The following AATK variants were observed in gnomAD, a reference collection of about 807,000 sequenced individuals.
The protein encoded by AATK is lemur tail kinase 1.
In AATK, 91 loss-of-function variants were observed where a neutral mutation model predicts 114.3. The ratio of observed to expected loss-of-function variants is 0.80; its 90% CI spans 0.67 to 0.95. The LOEUF is 0.95. AATK is among the 40% of genes least tolerant of loss of function. AATK has a pLI of 0.00. For missense variants in AATK, 2,176 were observed against 1,965.2 expected (o/e 1.11, Z -2.03); for synonymous variants, 1,075 against 916.5 (o/e 1.17, Z -3.12).
Position 81,120,703 on chromosome 17 carries a change from G to A in AATK, c.3233C>T (p.Pro1078Leu), listed in dbSNP as rs766506186. ...EPSTCPSGLV[P>L]EPPEPQGPAK... ...TGGGCCTTGGGGCTCCGGAGGCTCT[G>A]GGACCAGGCCCGAGGGGCAGGTGCT... is the stretch of plus-strand genomic sequence containing the variant. Residue 1078 changes from proline to leucine, a missense_variant, in exon 11 of 14, where the codon CCA becomes CTA. This residue lies in a region of AATK where 1,701 missense variants were observed against 1,394.7 expected (regional missense o/e 1.22). Transcript: ENST00000326724. 4 of 1,531,692 alleles carry A rather than the reference G, an allele frequency of 2.6e-6. No homozygotes were observed. The African/African-American group carries it at 5.5e-5, about 21-fold the overall frequency. 94.9% of individuals were successfully genotyped at this position (1,531,692 alleles called of 1,614,324 possible).
chr17:81,162,049 T>C (rs1475052147), intron 1 of AATK, among the ~76,000 whole-genome samples: 1 of 152,086 alleles, frequency 6.6e-6, no homozygotes, highest in East Asian at 1.9e-4. Flanking sequence ...CCCTGACCCA[T>C]GCCTGGGAGT....
Position 81,131,070 on chromosome 17 carries a change from C to T in AATK, c.325G>A (p.Gly109Arg). The T allele has an allele frequency of 6.4e-7, 1 of 1,552,770 alleles. No homozygotes were observed. Among genetic ancestry groups the T allele is most frequent in the Non-Finnish European group, 8.7e-7 (1 of 1,148,806 alleles). The change falls in exon 3 of 14, where the codon GGG becomes AGG. Residue 109 changes from glycine (G) to arginine (R), a missense_variant. Coordinates refer to ENST00000326724, the MANE Select transcript of AATK (RefSeq NM_001080395.3). ...EVSLPMAKQP[G>R]RSVQLLKSTD... is the part of the protein sequence containing the mutation. ...CCCACCCAGCCCTCACCTGAGCGCC[C>T]AGGCTGCTTGGCCATGGGCAAGGAG...
intron 7 of AATK, chr17:81,125,899 T>C: frequency 2.1e-6 from 1 of 470,678 alleles, no homozygotes; most frequent in South Asian, 1.5e-5. Context: ...ACAAAATCAC[T>C]GATGCTGGAG....
chr17:81,138,603 C>T (rs945556521), intron 1 of AATK, among the ~76,000 whole-genome samples: 22 of 147,682 alleles, frequency 1.5e-4, no homozygotes, highest in Middle Eastern at 3.6e-3. Flanking sequence ...CACACCCACA[C>T]GCACAACACA....
At chr17:81,138,958 C>A (rs771150250) in intron 1 of AATK, among the ~76,000 whole-genome samples, 1 of 145,866 alleles carries the variant, frequency 6.9e-6, no homozygotes, top group Non-Finnish European at 1.5e-5. Flanking sequence ...ACACCCCCCA[C>A]ACGTGCGCGC....
chr17:81,122,310 G>A lies in AATK; in HGVS notation c.1626C>T (p.Gly542=). ...CGCAGCCGGCGCAGTCAGGGTCGTGGCCGGCGGCGGGTGCGGCCTCCTCTA... is the reference window on the plus strand; with the variant it reads ...CGCAGCCGGCGCAGTCAGGGTCGTGACCGGCGGCGGGTGCGGCCTCCTCTA... ...IRLEEAAPAA[G]HDPDCAGCAP... is the part of the protein sequence containing the mutation. The change falls in exon 11 of 14, where the codon GGC becomes GGT. Residue 542 remains glycine, a synonymous_variant. Coordinates refer to ENST00000326724, the MANE Select transcript of AATK (RefSeq NM_001080395.3). 6.6e-7 allele frequency: 1 copy of A among 1,510,388 alleles called. No homozygotes were observed. The highest frequency in any genetic ancestry group is 8.8e-7 in the Non-Finnish European group (1 of 1,134,696). 93.6% of individuals were successfully genotyped at this position (1,510,388 alleles called of 1,614,324 possible).
In AATK at chr17:81,122,472, C is replaced by A. The variant is rs371390882; in HGVS notation, c.1464G>T (p.Glu488Asp). 4.9e-4 allele frequency: 707 copies of A among 1,453,354 alleles called. 5 individuals carry two copies. In the African/African-American group the frequency reaches 9.5e-3, roughly 20 times the overall value. The allele number at this position is 1,453,354 out of a possible 1,614,324, so 90.0% of individuals were successfully genotyped here. A position where few individuals can be genotyped will look rare whatever the true frequency, so the allele number is the denominator to read the frequency against. ...CAGGGCTCAGCGTGGCCGGGAAGGC[C>A]TCCGCGCCGCGGCCCGCCTCCCACT... ...EYKWEAGRGA[E>D]AFPATLSPGR... Residue 488 changes from glutamate to aspartate, a missense_variant, in exon 11 of 14, where the codon GAG (glutamate) becomes GAT (aspartate). Glu to Asp is a conservative substitution (Grantham distance 45). Transcript: ENST00000326724.
chr17:81,135,683 G>A (rs145643809), intron 1 of AATK: 2 of 152,398 alleles, frequency 1.3e-5, no homozygotes, highest in East Asian at 1.9e-4. Flanking sequence ...GCAGGCTAAT[G>A]GGGCATCTGG....
At chr17:81,119,211 CG>C (rs2060640831) in intron 13 of AATK, among the ~76,000 whole-genome samples, 168 bp downstream of exon 13, 1 of 107,576 alleles carries the variant, frequency 9.3e-6, no homozygotes, top group East Asian at 2.9e-4. Flanking sequence ...GAGGGCCAGG[CG>C]GGGTCCAGGC....
In AATK at chr17:81,118,363, C is replaced by G; in HGVS notation, c.*39G>C. 6.3e-7 allele frequency: 1 copy of G among 1,580,750 alleles called. No individual in the cohort carries two copies. The highest frequency in any genetic ancestry group is 2.3e-5 in the East Asian group (1 of 42,658). Reference sequence around the variant, plus strand: ...CCTCGCTGCTGCCTGGCAGGGGCTCCGGTGACGCCAGCCTTGAGGGGCAGG... The same window carrying G: ...CCTCGCTGCTGCCTGGCAGGGGCTCGGGTGACGCCAGCCTTGAGGGGCAGG... On this transcript the variant is annotated 3_prime_UTR_variant, in exon 14 of 14. Transcript: ENST00000326724.
chr17:81,131,317 G>T (rs183801526), intron 2 of AATK, 112 bp from the exon 3 acceptor site: 12 of 1,382,692 alleles, frequency 8.7e-6, no homozygotes, highest in Non-Finnish European at 1.1e-5. Flanking sequence ...AGGGCAGGAG[G>T]GGGTGCTCGG....
intron 7 of AATK, chr17:81,125,869 G>A: frequency 2.1e-6 from 1 of 466,526 alleles, no homozygotes; most frequent in Non-Finnish European, 4.5e-6. Context: ...AGGTCGGGAG[G>A]CTGGCAGCTG....
At chr17:81,148,917 G>C (rs2146384766) in intron 1 of AATK, among the ~76,000 whole-genome samples, 1 of 152,248 alleles carries the variant, frequency 6.6e-6, no homozygotes, top group South Asian at 2.1e-4. Flanking sequence ...GAGGAGCTTG[G>C]GAATAGCCCC....
At chr17:81,147,355 C>T (rs373323260) in intron 1 of AATK, among the ~76,000 whole-genome samples, 36 of 113,790 alleles carry the variant, frequency 3.2e-4, no homozygotes, top group African/African-American at 1.2e-3. Context: ...AGCGAGACTC[C>T]ATCTCAAAAA....
chr17:81,122,777 T>C lies in AATK; in HGVS notation c.1159A>G (p.Thr387Ala). The change falls in exon 11 of 14, where the codon ACA becomes GCA. Residue 387 changes from threonine (T) to alanine (A), a missense_variant. Thr to Ala is a moderately conservative substitution (Grantham distance 58, BLOSUM62 0). Around this residue, in one of 4 missense-constraint regions of AATK, gnomAD observed 273 missense variants for 344.1 expected, o/e 0.79. Coordinates refer to ENST00000326724, the MANE Select transcript of AATK (RefSeq NM_001080395.3). ...FCWLQPEQRP[T>A]AEEVHLLLSY... ...AGCAGCAGGTGCACCTCCTCGGCTG[T>C]GGGCCGCTGCTCGGGCTGCAGCCAG... 1 of 1,592,242 alleles carries C rather than the reference T, an allele frequency of 6.3e-7. No individual in the cohort carries two copies. Among genetic ancestry groups the C allele is most frequent in the Non-Finnish European group, 8.5e-7 (1 of 1,171,228 alleles).
In AATK at chr17:81,121,399, C is replaced by A. The variant is rs1345312110; in HGVS notation, c.2537G>T (p.Gly846Val). The A allele has an allele frequency of 8.1e-6, 13 of 1,609,244 alleles. No individual in the cohort carries two copies. The highest frequency in any genetic ancestry group is 1.1e-5 in the Non-Finnish European group (13 of 1,178,442). Residue 846 changes from glycine to valine, a missense_variant, in exon 11 of 14, where the codon GGC becomes GTC. Coordinates refer to ENST00000326724, the MANE Select transcript of AATK (RefSeq NM_001080395.3). ...SAIKLASALN[G>V]SSSSPEVEAP... is the part of the protein sequence containing the mutation. The stretch of plus-strand genomic sequence containing the variant: ...CTCCACCTCGGGAGAGCTGCTGCTG[C>A]CATTCAGGGCAGAAGCCAGCTTGAT...
chr17:81,126,939 T>A lies in AATK; in HGVS notation c.622-379A>T. The A allele has an allele frequency of 1.2e-6, 1 of 809,524 alleles. No individual in the cohort carries two copies. The highest frequency in any genetic ancestry group is 1.6e-6 in the Non-Finnish European group (1 of 641,058). 50.1% of individuals were successfully genotyped at this position (809,524 alleles called of 1,614,324 possible). A position where few individuals can be genotyped will look rare whatever the true frequency, so the allele number is the denominator to read the frequency against. On this transcript the variant is annotated intron_variant, in intron 6 of 13. Coordinates refer to ENST00000326724, the MANE Select transcript of AATK (RefSeq NM_001080395.3). The surrounding 1 kb of genome is among the most constrained non-coding windows in gnomAD (Gnocchi z 5.1). The stretch of plus-strand genomic sequence containing the variant: ...AAGCCCAGCCCCGGGACGGTCAACG[T>A]CAGGAGTCCAGACGCCAGTGTGTGA...
chr17:81,126,891 G>A lies in AATK; in HGVS notation c.622-331C>T. 3.5e-6 allele frequency: 4 copies of A among 1,139,200 alleles called. No individual in the cohort carries two copies. Among genetic ancestry groups the A allele is most frequent in the Non-Finnish European group, 4.3e-6 (4 of 920,934 alleles). 70.6% of individuals were successfully genotyped at this position (1,139,200 alleles called of 1,614,324 possible). ...GTCTGGGGCTGGTGGTCGAGGGTTG[G>A]CCGGCAGCCCCTGACCTGCCGAAAG... is the stretch of plus-strand genomic sequence containing the variant. On this transcript the variant is annotated intron_variant, in intron 6 of 13. Transcript: ENST00000326724. This position sits in a 1 kb window ranked among gnomAD's most constrained non-coding sequence, Gnocchi z 5.1.
chr17:81,162,834 G>T (rs1346447296), intron 1 of AATK, among the ~76,000 whole-genome samples: 1 of 152,132 alleles, frequency 6.6e-6, no homozygotes, highest in East Asian at 1.9e-4. Flanking sequence ...GAGAGGCGGG[G>T]GTTGGGGGGT....
Sources: allele counts gnomAD v4.1 joint callset (sites outside exome capture counted in the v4.1 genomes callset), GRCh38; gene constraint gnomAD v4.1.1; regional missense constraint gnomAD v4.1.1; non-coding constraint Gnocchi (gnomAD v3.1); transcripts MANE v1.5; gene names NCBI Gene and HGNC (gene_info 2026-07-23, HGNC 2026-07-21).